GRK2: variants seen among roughly 807,000 people sequenced by gnomAD.
The protein encoded by GRK2 is G protein-coupled receptor kinase 2.
In GRK2, 23 loss-of-function variants were observed where a neutral mutation model predicts 97.8. The observed-to-expected ratio is 0.24, with a 90% CI of 0.17 to 0.33. The LOEUF (loss-of-function observed/expected upper bound fraction) is 0.33, where lower values mean the gene tolerates loss of function less well. GRK2 is among the 10% of genes least tolerant of loss of function. The probability of loss-of-function intolerance (pLI) is 1.00; values close to 1 mark genes in which losing one functional copy is unlikely to be tolerated. For synonymous variants in GRK2, 425 were observed against 381.7 expected (o/e 1.11, Z -1.32); for missense variants, 633 against 956.9 (o/e 0.66, Z 4.47).
rs1565067314 is a variant in GRK2, at chr11:67,281,633, C to G, written c.748-17C>G. On this transcript the variant is annotated splice_polypyrimidine_tract_variant and intron_variant, in intron 9 of 20. Transcript: ENST00000308595. The surrounding 1 kb of genome is among the most constrained non-coding windows in gnomAD (Gnocchi z 5.7). ...CCCTGCTAACTGCCCGCCCCCTCCC[C>G]TCCTCTCCCCTCCTAGGACTGCCCA... is the stretch of plus-strand genomic sequence containing the variant. 1 of 1,605,618 alleles carries G rather than the reference C, an allele frequency of 6.2e-7. No homozygotes were observed. The highest frequency in any genetic ancestry group is 1.1e-5 in the South Asian group (1 of 90,932).
chr11:67,272,229 G>A (rs929459255), intron 1 of GRK2, among the ~76,000 whole-genome samples: 1 of 152,204 alleles, frequency 6.6e-6, no homozygotes, highest in South Asian at 2.1e-4. Context: ...CACAAGTCAG[G>A]GTCCTCTGAG....
chr11:67,272,652 C>T lies in GRK2; in HGVS notation c.114-4620C>T, dbSNP rs185431681. Among the ~76,000 whole-genome samples, 32 of 152,358 alleles carry T rather than the reference C, an allele frequency of 2.1e-4. No homozygotes were observed. In the South Asian group the frequency reaches 3.7e-3, roughly 18 times the overall value. On this transcript the variant is annotated intron_variant, in intron 1 of 20. Transcript: ENST00000308595. ...GGGAGCAGTAGGAGCTGGTGCAGGC[C>T]GCTGTAACTGCAGGGGTGCCAAGGT...
chr11:67,280,928 G>A (rs529140290), intron 7 of GRK2, 145 bp downstream of exon 7: 55 of 1,162,382 alleles, frequency 4.7e-5, no homozygotes, highest in Admixed American at 7.1e-5. Context: ...GGTCAGGGCC[G>A]GGATCCCAGC....
At chr11:67,284,754 C>A in intron 18 of GRK2, 93 bp from the exon 19 acceptor site, 1 of 1,480,342 alleles carries the variant, frequency 6.8e-7, no homozygotes, top group Non-Finnish European at 9.1e-7. Flanking sequence ...GTGCCACAGC[C>A]CTCCAGCCTG....
chr11:67,268,375 T>A (rs189860479), intron 1 of GRK2, among the ~76,000 whole-genome samples: 1 of 152,064 alleles, frequency 6.6e-6, no homozygotes, highest in Non-Finnish European at 1.5e-5. Context: ...TTCTAAGACA[T>A]TTGCAATCAG....
chr11:67,282,837 G>T lies in GRK2; in HGVS notation c.1227+19G>T. 2 of 1,599,556 alleles carry T rather than the reference G, an allele frequency of 1.3e-6. No individual in the cohort carries two copies. The highest frequency in any genetic ancestry group is 1.7e-6 in the Non-Finnish European group (2 of 1,176,026). On this transcript the variant is annotated intron_variant, in intron 14 of 20. Coordinates refer to ENST00000308595, the MANE Select transcript of GRK2 (RefSeq NM_001619.5). This position sits in a 1 kb window ranked among gnomAD's most constrained non-coding sequence, Gnocchi z 6.9. Reference sequence around the variant, plus strand: ...GACGATGGTGGGTGCAGGTCTCAGTGCAGGGCCGCAGGGGGCTGGGGGGAG... The same window carrying T: ...GACGATGGTGGGTGCAGGTCTCAGTTCAGGGCCGCAGGGGGCTGGGGGGAG...
Position 67,269,314 on chromosome 11 carries a change from A to G in GRK2, c.113+2502A>G, listed in dbSNP as rs1032840901. Among the ~76,000 whole-genome samples, 14 of 151,822 alleles carry G rather than the reference A, an allele frequency of 9.2e-5. No homozygotes were observed. The highest frequency in any genetic ancestry group is 3.1e-4 in the African/African-American group (13 of 41,276). ...GTGAGAGGCAGGCCCAGCAGTTAGG[A>G]TTCTCCCCTTTAGCAGTTGAAGTTA... On this transcript the variant is annotated intron_variant, in intron 1 of 20. Transcript: ENST00000308595. The surrounding 1 kb of genome is among the most constrained non-coding windows in gnomAD (Gnocchi z 4.1).
In GRK2 at chr11:67,266,798, G is replaced by A; in HGVS notation, c.99G>A (p.Leu33=). The A allele has an allele frequency of 1.5e-6, 2 of 1,320,204 alleles. No individual in the cohort carries two copies. The highest frequency in any genetic ancestry group is 2.0e-6 in the Non-Finnish European group (2 of 1,022,610). The allele number at this position is 1,320,204 out of a possible 1,614,324, so 81.8% of individuals were successfully genotyped here. The change falls in exon 1 of 21, where the codon CTG becomes CTA. Residue 33 remains leucine, a synonymous_variant. Transcript: ENST00000308595. The part of the protein sequence containing the change: ...TPAARASKKI[L]LPEPSIRSVM... ...CCGCGCGCGCCAGCAAGAAGATCCT[G>A]CTGCCCGAGCCCAGGTGAGGAGAAG...
rs1590850085 is a variant in GRK2, at chr11:67,277,415, C to T, written c.190+67C>T. On this transcript the variant is annotated intron_variant, in intron 2 of 20. Transcript: ENST00000308595. ...CTTGCCCCTACCCCAGCCAGCCCAG[C>T]TGTGCTCCCCACTCTCCAGAGATTT... The T allele has an allele frequency of 9.3e-6, 13 of 1,405,388 alleles. No homozygotes were observed. The East Asian group carries it at 2.7e-4, about 30-fold the overall frequency. 87.1% of individuals were successfully genotyped at this position (1,405,388 alleles called of 1,614,324 possible).
Position 67,285,891 on chromosome 11 carries a change from A to G in GRK2, c.*441A>G. 1 of 233,976 alleles carries G rather than the reference A, an allele frequency of 4.3e-6. No individual in the cohort carries two copies. Among genetic ancestry groups the G allele is most frequent in the Non-Finnish European group, 8.4e-6 (1 of 118,458 alleles). The allele number at this position is 233,976 out of a possible 1,614,324, so 14.5% of individuals were successfully genotyped here. A position where few individuals can be genotyped will look rare whatever the true frequency, so the allele number is the denominator to read the frequency against. On this transcript the variant is annotated 3_prime_UTR_variant, in exon 21 of 21. Transcript: ENST00000308595. ...CCTGCTGCAGAGGGGCAGGCCCTGC[A>G]CTGTCCTGCTCCACAGTGTTGGCGA...
rs1221191453 is a variant in GRK2, at chr11:67,274,495, C to T, written c.114-2777C>T. Reference sequence around the variant, plus strand: ...TCGCTACCTTCCGCTTGACCAGCACCTTTTTTTTTTTTTTTTTTTTTTTTT... The same window carrying T: ...TCGCTACCTTCCGCTTGACCAGCACTTTTTTTTTTTTTTTTTTTTTTTTTT... On this transcript the variant is annotated intron_variant, in intron 1 of 20. Transcript: ENST00000308595. Among the ~76,000 whole-genome samples, 10 of 22,478 alleles carry T rather than the reference C, an allele frequency of 4.4e-4. No individual in the cohort carries two copies. The East Asian group carries it at 8.1e-3, about 18-fold the overall frequency. 14.7% of individuals were successfully genotyped at this position (22,478 alleles called of 152,430 possible). A position where few individuals can be genotyped will look rare whatever the true frequency, so the allele number is the denominator to read the frequency against.
At chr11:67,280,903 G>A in intron 7 of GRK2, 120 bp downstream of exon 7, 3 of 1,290,548 alleles carry the variant, frequency 2.3e-6, no homozygotes, top group Non-Finnish European at 2.2e-6. Flanking sequence ...TAGCCCCCAG[G>A]GCCGTGGCTA....
chr11:67,275,078 C>G (rs1183385736), intron 1 of GRK2, among the ~76,000 whole-genome samples: 1 of 152,202 alleles, frequency 6.6e-6, no homozygotes, highest in Non-Finnish European at 1.5e-5. Flanking sequence ...CGCGGCCCCT[C>G]CCAGCCTCTG....
chr11:67,270,990 G>A (rs981204740), intron 1 of GRK2: 2 of 152,228 alleles, frequency 1.3e-5, no homozygotes, highest in Non-Finnish European at 2.9e-5. Context: ...TTTCCTCCCC[G>A]TGCCTAGGTT....
At position 67,284,307 on chromosome 11, in the gene GRK2, A is replaced by G. The variant is rs1388252136; in HGVS notation, c.1588A>G (p.Asn530Asp). Reference sequence around the variant, plus strand: ...GGCAGAGACTGTCTTCGACACCATCAACGCTGAGACAGACCGGCTGGAGGC... The same window carrying G: ...GGCAGAGACTGTCTTCGACACCATCGACGCTGAGACAGACCGGCTGGAGGC... ...EVAETVFDTI[N>D]AETDRLEARK... Residue 530 changes from asparagine (N) to aspartate (D), a missense_variant, in exon 18 of 21, where the codon AAC (asparagine) becomes GAC (aspartate). By Grantham distance (23) the Asn-to-Asp change is conservative. Coordinates refer to ENST00000308595, the MANE Select transcript of GRK2 (RefSeq NM_001619.5). 3.1e-6 allele frequency: 5 copies of G among 1,613,280 alleles called. No individual in the cohort carries two copies. The highest frequency in any genetic ancestry group is 1.1e-5 in the South Asian group (1 of 91,090).
At chr11:67,277,878 C>T (rs991971646) in intron 2 of GRK2, among the ~76,000 whole-genome samples, 2 of 152,232 alleles carry the variant, frequency 1.3e-5, no homozygotes, top group African/African-American at 4.8e-5. Flanking sequence ...GGGCAGGTCT[C>T]GGGAAGCAGG....
chr11:67,284,039 G>A, intron 17 of GRK2, 90 bp downstream of exon 17: 1 of 1,431,398 alleles, frequency 7.0e-7, no homozygotes, highest in Non-Finnish European at 9.6e-7. Context: ...GTGAGACCCT[G>A]TGCCAGCCCT....
Position 67,282,009 on chromosome 11 carries a change from C to A in GRK2, c.957+57C>A, listed in dbSNP as rs71457770. Reference sequence around the variant, plus strand: ...TCCGTGGCTGTCCTCTCCTTCCTCTCGACATCCCGGCCACCAGGCCCAGAG... The same window carrying A: ...TCCGTGGCTGTCCTCTCCTTCCTCTAGACATCCCGGCCACCAGGCCCAGAG... On this transcript the variant is annotated intron_variant, in intron 11 of 20. Transcript: ENST00000308595. The surrounding 1 kb of genome is among the most constrained non-coding windows in gnomAD (Gnocchi z 6.9). 3 of 1,605,186 alleles carry A rather than the reference C, an allele frequency of 1.9e-6. No individual in the cohort carries two copies. The highest frequency in any genetic ancestry group is 2.2e-5 in the South Asian group (2 of 90,460).
intron 20 of GRK2, 28 bp from the exon 21 acceptor site, chr11:67,285,258 C>T (rs1411505569): frequency 1.9e-5 from 30 of 1,609,134 alleles, no homozygotes; most frequent in Non-Finnish European, 2.3e-5. Flanking sequence ...AGAGCCCCAG[C>T]TGACAGAGCT....
Sources: gnomAD v4.1 joint callset for allele counts (sites outside exome capture counted in the v4.1 genomes callset) on GRCh38, gnomAD v4.1.1 for gene constraint, Gnocchi (gnomAD v3.1) non-coding constraint, MANE v1.5 for transcripts, NCBI Gene and HGNC (gene_info 2026-07-23, HGNC 2026-07-21) for gene names.